Variants in PLCB1 observed in about 807,000 individuals in gnomAD.
The protein encoded by PLCB1 is 1-phosphatidylinositol 4,5-bisphosphate phosphodiesterase beta-1.
PLCB1 carries 46 observed loss-of-function variants against 161.8 expected under a neutral mutation model. The ratio of observed to expected loss-of-function variants is 0.28; its 90% CI spans 0.22 to 0.36. The LOEUF (loss-of-function observed/expected upper bound fraction) is 0.36. Among genes scored for constraint, PLCB1 ranks in the 10% least tolerant of loss-of-function variants. The pLI is 1.00. For missense variants in PLCB1, 1,016 were observed against 1,472.5 expected (o/e 0.69, Z 5.07); for synonymous variants, 517 against 503.7 (o/e 1.03, Z -0.35).
At chr20:8,442,577 G>T (rs547955281) in intron 3 of PLCB1, among the ~76,000 whole-genome samples, 1 of 152,206 alleles carries the variant, frequency 6.6e-6, no homozygotes, top group Admixed American at 6.5e-5. Context: ...TTTTGAGAAG[G>T]TCCCATTTTT....
chr20:8,629,356 C>A (rs1281336303), intron 4 of PLCB1, among the ~76,000 whole-genome samples: 6 of 152,116 alleles, frequency 3.9e-5, no homozygotes, highest in Admixed American at 3.9e-4. Context: ...TAGGAGCAAG[C>A]CTTTCAGATA....
chr20:8,160,898 C>CT (rs1167415814), intron 2 of PLCB1, among the ~76,000 whole-genome samples: 1 of 152,040 alleles, frequency 6.6e-6, no homozygotes, highest in South Asian at 2.1e-4. Flanking sequence ...TTTAAATTTA[C>CT]TTTAAGTAAT....
chr20:8,336,869 T>C (rs987434953), intron 2 of PLCB1, among the ~76,000 whole-genome samples: 28 of 152,180 alleles, frequency 1.8e-4, no homozygotes, highest in Admixed American at 1.8e-3. Flanking sequence ...TTCTCCAGTA[T>C]AGCCTACAAC....
intron 3 of PLCB1, among the ~76,000 whole-genome samples, chr20:8,542,293 G>A (rs1052446748): frequency 5.9e-5 from 9 of 152,114 alleles, no homozygotes; most frequent in Non-Finnish European, 7.3e-5. Context: ...AGAACTTCCT[G>A]AACACTAATA....
chr20:8,388,233 T>G (rs1041081997), intron 3 of PLCB1, among the ~76,000 whole-genome samples: 1 of 152,284 alleles, frequency 6.6e-6, no homozygotes, highest in African/African-American at 2.4e-5. Flanking sequence ...CGTTTCCTGC[T>G]AATATTCAAA....
intron 4 of PLCB1, among the ~76,000 whole-genome samples, chr20:8,643,131 A>T (rs1989009086): frequency 6.6e-6 from 1 of 152,152 alleles, no homozygotes; most frequent in African/African-American, 2.4e-5. Flanking sequence ...CAACATATAG[A>T]GTTCAAGGTC....
chr20:8,857,999 G>A lies in PLCB1; in HGVS notation c.3424-23623G>A, dbSNP rs1441167821. ...TATTCTTTTGTCAGATGTGTTTGTT[G>A]TGAAAATATTTGCCCAGTTTATCAC... On this transcript the variant is annotated intron_variant, in intron 31 of 31. Transcript: ENST00000338037. Among the ~76,000 whole-genome samples, 4 of 151,980 alleles carry A rather than the reference G, an allele frequency of 2.6e-5. No individual in the cohort carries two copies. The East Asian group carries it at 5.8e-4, about 22-fold the overall frequency.
intron 2 of PLCB1, among the ~76,000 whole-genome samples, chr20:8,299,517 A>C (rs1005479536): frequency 6.6e-6 from 1 of 151,916 alleles, no homozygotes; most frequent in African/African-American, 2.4e-5. Flanking sequence ...CCTGCTGTCC[A>C]CTCCCAAATT....
At chr20:8,180,699 C>G (rs2051831871) in intron 2 of PLCB1, among the ~76,000 whole-genome samples, 1 of 151,966 alleles carries the variant, frequency 6.6e-6, no homozygotes, top group Admixed American at 6.6e-5. Context: ...TTTTAAATTC[C>G]AAATGAAAAT....
At chr20:8,779,387 A>G (rs1438965864) in intron 27 of PLCB1, among the ~76,000 whole-genome samples, 1 of 152,068 alleles carries the variant, frequency 6.6e-6, no homozygotes, top group East Asian at 1.9e-4. Flanking sequence ...AAGCACAGAT[A>G]TAACTATTTG....
chr20:8,409,438 ATTATTT>A (rs922828956), intron 3 of PLCB1, among the ~76,000 whole-genome samples: 44 of 148,888 alleles, frequency 3.0e-4, no homozygotes, highest in African/African-American at 9.3e-4. Context: ...TGGAATGTAT[ATTATTT>A]TTATTATTAT....
At chr20:8,751,375 T>G (rs1814820701) in intron 23 of PLCB1, 1 of 152,338 alleles carries the variant, frequency 6.6e-6, no homozygotes, top group South Asian at 2.1e-4. Context: ...CTCCAAATCC[T>G]AATTCTCTGC....
At chr20:8,634,187 T>G (rs1248928095) in intron 4 of PLCB1, among the ~76,000 whole-genome samples, 4 of 152,222 alleles carry the variant, frequency 2.6e-5, no homozygotes, top group African/African-American at 4.8e-5. Flanking sequence ...GATTTTTTAA[T>G]ATTATTTCAC....
At chr20:8,762,818 A>G (rs1475324628) in intron 25 of PLCB1, among the ~76,000 whole-genome samples, 1 of 152,192 alleles carries the variant, frequency 6.6e-6, no homozygotes, top group Non-Finnish European at 1.5e-5. Context: ...AACATAACTT[A>G]TTATTCTAGT....
intron 3 of PLCB1, among the ~76,000 whole-genome samples, chr20:8,510,383 C>CTTTTTTTTTTTT (rs11479098): frequency 1.7e-5 from 2 of 119,820 alleles, no homozygotes; most frequent in African/African-American, 3.1e-5. Context: ...TTTTCTTTTT[C>CTTTTTTTTTTTT]TTTTTTTTTT....
At chr20:8,428,396 T>C (rs896391582) in intron 3 of PLCB1, among the ~76,000 whole-genome samples, 3 of 152,114 alleles carry the variant, frequency 2.0e-5, no homozygotes, top group African/African-American at 7.2e-5. Context: ...AATTTTTGAA[T>C]TTTTAGTAGA....
Position 8,355,470 on chromosome 20 carries a change from T to C in PLCB1, c.178-15912T>C, listed in dbSNP as rs139499849. 1.3e-4 allele frequency among the ~76,000 whole-genome samples: 20 copies of C among 152,256 alleles called. No individual in the cohort carries two copies. In the East Asian group the frequency reaches 3.7e-3, roughly 28 times the overall value. The stretch of plus-strand genomic sequence containing the variant: ...TCTCCTAGGGTCTCTCTGTCCTCTT[T>C]AAAAAGGACACAGGAGAAAGAAAAA... On this transcript the variant is annotated intron_variant, in intron 2 of 31. Transcript: ENST00000338037.
chr20:8,185,781 C>T (rs1013569512), intron 2 of PLCB1, among the ~76,000 whole-genome samples: 21 of 152,176 alleles, frequency 1.4e-4, no homozygotes, highest in African/African-American at 4.8e-4. Flanking sequence ...TTCTGAACAG[C>T]AGTGCTTTGT....
At chr20:8,264,683 C>G (rs1274488726) in intron 2 of PLCB1, among the ~76,000 whole-genome samples, 1 of 151,956 alleles carries the variant, frequency 6.6e-6, no homozygotes, top group Non-Finnish European at 1.5e-5. Context: ...TATAGGCAGT[C>G]TCTCATGGAC....
Sources: allele counts gnomAD v4.1 joint callset (sites outside exome capture counted in the v4.1 genomes callset), GRCh38; gene constraint gnomAD v4.1.1; transcripts MANE v1.5; gene names NCBI Gene and HGNC (gene_info 2026-07-23, HGNC 2026-07-21).